PKNOX1: variants seen among roughly 807,000 people sequenced by gnomAD.
The protein encoded by PKNOX1 is PBX/knotted 1 homeobox 1.
Under a neutral mutation model 51.9 loss-of-function variants are expected in PKNOX1, and 15 were observed. That is an observed-to-expected ratio of 0.29 (90% confidence interval 0.19 to 0.45). The LOEUF (loss-of-function observed/expected upper bound fraction) is 0.45, where lower values mean the gene tolerates loss of function less well. PKNOX1 is among the 20% of genes least tolerant of loss of function. The pLI is 1.00. For missense variants in PKNOX1, 462 were observed against 547.5 expected (o/e 0.84, Z 1.56); for synonymous variants, 219 against 211.1 (o/e 1.04, Z -0.32).
intron 6 of PKNOX1, 80 bp downstream of exon 6, chr21:43,017,087 T>C (rs766956537): frequency 3.3e-6 from 3 of 920,256 alleles, no homozygotes. Flanking sequence ...ACAGTATAAA[T>C]ATAATTTCAA....
chr21:42,990,276 A>C (rs2059079922), intron 1 of PKNOX1, among the ~76,000 whole-genome samples: 1 of 152,120 alleles, frequency 6.6e-6, no homozygotes, highest in Non-Finnish European at 1.5e-5. Context: ...TAAATAAATA[A>C]ATAAATAATA....
intron 1 of PKNOX1, among the ~76,000 whole-genome samples, chr21:42,989,593 A>G (rs1327816585): frequency 1.3e-5 from 2 of 151,822 alleles, no homozygotes; most frequent in Non-Finnish European, 2.9e-5. Flanking sequence ...TAATTTTTGC[A>G]TTTTTAGTAG....
intron 1 of PKNOX1, among the ~76,000 whole-genome samples, chr21:42,995,591 T>C (rs959546713): frequency 2.0e-4 from 29 of 143,802 alleles, no homozygotes; most frequent in African/African-American, 7.2e-4. Flanking sequence ...AGTGTGAGGA[T>C]TGCTTTAACC....
Position 43,029,932 on chromosome 21 carries a change from A to G in PKNOX1, c.1142A>G (p.Asp381Gly), listed in dbSNP as rs753754662. 3 of 1,614,196 alleles carry G rather than the reference A, an allele frequency of 1.9e-6. No individual in the cohort carries two copies. The highest frequency in any genetic ancestry group is 1.3e-5 in the African/African-American group (1 of 75,066). Reference protein sequence around the residue: ...TITTPVNMNVDSLQSLSSDGA... With the variant: ...TITTPVNMNVGSLQSLSSDGA... The stretch of plus-strand genomic sequence containing the variant: ...ACCACGCCCGTGAACATGAACGTGG[A>G]CAGCCTTCAGTCTCTGTCCTCGGAC... Residue 381 changes from aspartate (D) to glycine (G), a missense_variant, in exon 11 of 11, where the codon GAC becomes GGC. Physicochemically the swap from Asp to Gly is moderately conservative, Grantham distance 94. This residue lies in a region of PKNOX1 where 118 missense variants were observed against 116.8 expected (regional missense o/e 1.01). Coordinates refer to ENST00000291547, the MANE Select transcript of PKNOX1 (RefSeq NM_004571.5).
intron 1 of PKNOX1, among the ~76,000 whole-genome samples, chr21:42,984,181 A>G (rs1367070641): frequency 6.6e-6 from 1 of 150,780 alleles, no homozygotes; most frequent in East Asian, 2.0e-4. Context: ...ATCCAGTAAT[A>G]CTCCTGCCTC....
rs1168420664 is a variant in PKNOX1, at chr21:43,033,453, TTGAAAC to T, written c.*3356_*3361del. The T allele has an allele frequency of 2.6e-5, 4 of 152,650 alleles. No individual in the cohort carries two copies. Among genetic ancestry groups the T allele is most frequent in the African/African-American group, 4.8e-5 (2 of 41,454 alleles). The allele number at this position is 152,650 out of a possible 1,614,324, so 9.5% of individuals were successfully genotyped here. ...CTTTCGTTCTAGTTATATTCGGTCT[TTGAAAC>T]TGACAATCTTTGAAATGTGAATACT... On this transcript the variant is annotated 3_prime_UTR_variant, in exon 11 of 11. Transcript: ENST00000291547.
At chr21:42,975,825 C>G (rs896660897) in intron 1 of PKNOX1, among the ~76,000 whole-genome samples, 1 of 152,216 alleles carries the variant, frequency 6.6e-6, no homozygotes, top group East Asian at 1.9e-4. Flanking sequence ...GATGATTTTT[C>G]CTTAGGAAGT....
At chr21:43,008,158 C>T (rs150864355) in intron 3 of PKNOX1, among the ~76,000 whole-genome samples, 2,063 of 151,760 alleles carry the variant, frequency 0.014, 20 homozygotes, top group Non-Finnish European at 0.022. Flanking sequence ...TTTTGTGTAA[C>T]CTTGCAAAAA....
chr21:42,982,178 G>A (rs1189712986), intron 1 of PKNOX1, among the ~76,000 whole-genome samples: 3 of 152,292 alleles, frequency 2.0e-5, no homozygotes, highest in Non-Finnish European at 4.4e-5. Flanking sequence ...GTGTTGCAGG[G>A]CTACCTGGCC....
intron 1 of PKNOX1, among the ~76,000 whole-genome samples, chr21:42,987,404 A>AAAAAAAAAATATATATATATATAT: frequency 1.4e-4 from 6 of 41,410 alleles, no homozygotes; most frequent in African/African-American, 3.7e-4. Flanking sequence ...AAAAAAAAAA[A>AAAAAAAAAATATATATATATATAT]ATATATATAT....
chr21:42,997,555 A>G (rs781179717), intron 1 of PKNOX1, among the ~76,000 whole-genome samples: 30 of 152,238 alleles, frequency 2.0e-4, no homozygotes, highest in South Asian at 8.3e-4. Flanking sequence ...TTTAGTGCCT[A>G]TTGACATCAG....
In PKNOX1 at chr21:43,021,108, C is replaced by CAA; in HGVS notation, c.721-188_721-187dup. The CAA allele has an allele frequency of 2.4e-6, 1 of 408,726 alleles. No homozygotes were observed. Among genetic ancestry groups the CAA allele is most frequent in the Non-Finnish European group, 4.5e-6 (1 of 222,710 alleles). The allele number at this position is 408,726 out of a possible 1,614,324, so 25.3% of individuals were successfully genotyped here. ...TGAGTGACAGAGCAAGATCCTGTCTCAAAAAAAAGAAAGGCTGGTCATGTG... is the reference window on the plus strand; with the variant it reads ...TGAGTGACAGAGCAAGATCCTGTCTCAAAAAAAAAAGAAAGGCTGGTCATGTG... On this transcript the variant is annotated intron_variant, in intron 7 of 10. Transcript: ENST00000291547. This position sits in a 1 kb window ranked among gnomAD's most constrained non-coding sequence, Gnocchi z 4.6.
intron 1 of PKNOX1, among the ~76,000 whole-genome samples, chr21:42,994,019 G>A (rs369648191): frequency 8.1e-5 from 11 of 135,550 alleles, no homozygotes; most frequent in South Asian, 7.3e-4. Flanking sequence ...GGTGTGAGCC[G>A]CCGCGCCCAG....
At chr21:43,004,474 CT>C (rs749184672) in intron 2 of PKNOX1, 42 bp downstream of exon 2, 4 of 1,354,848 alleles carry the variant, frequency 3.0e-6, no homozygotes, top group Non-Finnish European at 4.2e-6. Context: ...ACAAATCAAC[CT>C]GGCACTCAAG....
At chr21:43,027,424 G>A (rs1226913093) in intron 9 of PKNOX1, among the ~76,000 whole-genome samples, 1 of 152,156 alleles carries the variant, frequency 6.6e-6, no homozygotes, top group East Asian at 1.9e-4. Context: ...CGCATGTCTG[G>A]TTTGCTATCT....
intron 1 of PKNOX1, among the ~76,000 whole-genome samples, chr21:43,002,876 C>T (rs1978824339): frequency 6.6e-6 from 1 of 152,012 alleles, no homozygotes; most frequent in Non-Finnish European, 1.5e-5. Flanking sequence ...GCCACCATGC[C>T]CGGCTAATTT....
rs1410997014 is a variant in PKNOX1 at position 43,031,952 on chromosome 21, C to T, written c.*1851C>T. Reference sequence around the variant, plus strand: ...TCTCAGCTCACTGCAACCTCCACCTCTTATGTTCAAGCAATTCTCCTTCCT... The same window carrying T: ...TCTCAGCTCACTGCAACCTCCACCTTTTATGTTCAAGCAATTCTCCTTCCT... On this transcript the variant is annotated 3_prime_UTR_variant, in exon 11 of 11. Transcript: ENST00000291547. The T allele has an allele frequency of 3.2e-6, 1 of 310,660 alleles. No individual in the cohort carries two copies. The highest frequency in any genetic ancestry group is 2.2e-5 in the African/African-American group (1 of 46,188). The allele number at this position is 310,660 out of a possible 1,614,324, so 19.2% of individuals were successfully genotyped here. A position where few individuals can be genotyped will look rare whatever the true frequency, so the allele number is the denominator to read the frequency against.
intron 1 of PKNOX1, among the ~76,000 whole-genome samples, chr21:42,977,172 A>G (rs1404656736): frequency 6.6e-6 from 1 of 152,214 alleles, no homozygotes; most frequent in Non-Finnish European, 1.5e-5. Flanking sequence ...CACAGGCAAG[A>G]GTAGACGTAA....
At chr21:42,981,791 T>C (rs1455572072) in intron 1 of PKNOX1, among the ~76,000 whole-genome samples, 2 of 152,144 alleles carry the variant, frequency 1.3e-5, no homozygotes, top group African/African-American at 4.8e-5. Flanking sequence ...GTTCTCAGGG[T>C]GGCAGGGAGC....
Sources: allele counts gnomAD v4.1 joint callset (sites outside exome capture counted in the v4.1 genomes callset), GRCh38; gene constraint gnomAD v4.1.1; regional missense constraint gnomAD v4.1.1; non-coding constraint Gnocchi (gnomAD v3.1); transcripts MANE v1.5; gene names NCBI Gene and HGNC (gene_info 2026-07-23, HGNC 2026-07-21).